The following M1AP variants were observed in gnomAD, a reference collection of about 807,000 sequenced individuals.
The protein encoded by M1AP is meiosis 1 arrest protein.
M1AP carries 39 observed loss-of-function variants against 51.2 expected under a neutral mutation model. The observed-to-expected ratio is 0.76, with a 90% confidence interval of 0.59 to 1.00. M1AP has a LOEUF of 1.00. M1AP is among the 50% of genes least tolerant of loss of function. The pLI is 0.00. For synonymous variants in M1AP, 251 were observed against 249.2 expected (o/e 1.01, Z -0.07); for missense variants, 545 against 641.2 (o/e 0.85, Z 1.62).
At chr2:74,625,432 T>C (rs1682326661) in intron 2 of M1AP, among the ~76,000 whole-genome samples, 1 of 152,162 alleles carries the variant, frequency 6.6e-6, no homozygotes, top group African/African-American at 2.4e-5. Flanking sequence ...ATTAATCTTT[T>C]ATTTTTAGAT....
chr2:74,561,899 C>T (rs544396035), intron 8 of M1AP: 2 of 985,242 alleles, frequency 2.0e-6, no homozygotes, highest in Non-Finnish European at 2.4e-6. Flanking sequence ...ATTTCAGGTC[C>T]GTGTGCATGT....
chr2:74,600,543 G>C (rs568603277), intron 4 of M1AP, among the ~76,000 whole-genome samples: 1 of 152,262 alleles, frequency 6.6e-6, no homozygotes, highest in South Asian at 2.1e-4. Flanking sequence ...AGGGTTGTAG[G>C]GTTGGCTTAT....
At chr2:74,635,361 ATTTTCT>A (rs1034771895) in intron 2 of M1AP, among the ~76,000 whole-genome samples, 24 of 151,890 alleles carry the variant, frequency 1.6e-4, no homozygotes, top group Non-Finnish European at 2.9e-4. Context: ...GGTAATCTGT[ATTTTCT>A]TTTTCTATTT....
At chr2:74,584,308 AC>A (rs1159807043) in intron 4 of M1AP, among the ~76,000 whole-genome samples, 1 of 152,052 alleles carries the variant, frequency 6.6e-6, no homozygotes, top group Non-Finnish European at 1.5e-5. Flanking sequence ...AGTGGCGGCT[AC>A]TAAAGCAATG....
At chr2:74,578,883 T>A (rs970407651) in intron 5 of M1AP, among the ~76,000 whole-genome samples, 1 of 152,202 alleles carries the variant, frequency 6.6e-6, no homozygotes, top group Non-Finnish European at 1.5e-5. Context: ...TGAGCCATAC[T>A]CCAGAAATCT....
At chr2:74,636,221 A>C (rs1365839368) in intron 2 of M1AP, among the ~76,000 whole-genome samples, 1 of 151,612 alleles carries the variant, frequency 6.6e-6, no homozygotes, top group Non-Finnish European at 1.5e-5. Flanking sequence ...CCCTCTCTGT[A>C]CCTGGTATTC....
intron 3 of M1AP, among the ~76,000 whole-genome samples, chr2:74,610,003 T>C (rs1449989493): frequency 6.7e-6 from 1 of 150,198 alleles, no homozygotes; most frequent in Non-Finnish European, 1.5e-5. Flanking sequence ...TACTTCACTC[T>C]ATTTTTTTTT....
intron 1 of M1AP, among the ~76,000 whole-genome samples, chr2:74,642,275 C>CAA (rs144241741): frequency 0.061 from 9,046 of 149,332 alleles, 799 homozygotes; most frequent in African/African-American, 0.2. Flanking sequence ...TAATAATATA[C>CAA]AAAAAAAAAC....
intron 3 of M1AP, 75 bp from the exon 4 acceptor site, chr2:74,607,298 G>A (rs1331532087): frequency 6.2e-6 from 9 of 1,444,890 alleles, no homozygotes; most frequent in Admixed American, 1.7e-5. Flanking sequence ...GTTCCTACCC[G>A]GAGGATAAAT....
intron 2 of M1AP, among the ~76,000 whole-genome samples, chr2:74,624,019 A>T (rs1221879942): frequency 2.6e-5 from 4 of 152,238 alleles, no homozygotes; most frequent in African/African-American, 9.6e-5. Flanking sequence ...ATCAGCAGGC[A>T]TAGTATTATC....
chr2:74,647,289 C>T, intron 1 of M1AP: 1 of 985,418 alleles, frequency 1.0e-6, no homozygotes, highest in Non-Finnish European at 1.2e-6. Context: ...CACAGATCGG[C>T]TTCTCGCTGT....
intron 3 of M1AP, among the ~76,000 whole-genome samples, chr2:74,610,021 A>T (rs1346964896): frequency 6.6e-6 from 1 of 151,438 alleles, no homozygotes; most frequent in Non-Finnish European, 1.5e-5. Context: ...TTTTTGAGAC[A>T]GGGTCTCACT....
At chr2:74,595,035 T>C (rs1680251046) in intron 4 of M1AP, among the ~76,000 whole-genome samples, 1 of 152,162 alleles carries the variant, frequency 6.6e-6, no homozygotes. Context: ...AATGATCCTT[T>C]ACATACAGGG....
At chr2:74,619,263 T>C (rs1166904844) in intron 2 of M1AP, 5 of 205,472 alleles carry the variant, frequency 2.4e-5, no homozygotes, top group Non-Finnish European at 5.0e-5. Context: ...CTTTTTGTAG[T>C]GGTCTAGAAA....
In M1AP at chr2:74,640,236, G is replaced by A. The variant is rs1683214638; in HGVS notation, c.40C>T (p.His14Tyr). 6.2e-7 allele frequency: 1 copy of A among 1,614,130 alleles called. No individual in the cohort carries two copies. The highest frequency in any genetic ancestry group is 1.3e-5 in the African/African-American group (1 of 75,028). ...GRTTGKGPST[H>Y]TQIDQQPPRL... ...GGAGGTTGCTGGTCAATCTGAGTGT[G>A]AGTAGAGGGCCCTTTACCAGTAGTT... is the stretch of plus-strand genomic sequence containing the variant. Residue 14 changes from histidine to tyrosine, a missense_variant, in exon 2 of 11, where the codon CAC becomes TAC. Physicochemically the swap from His to Tyr is moderately conservative, Grantham distance 83. Transcript: ENST00000421985.
chr2:74,624,748 A>G (rs1051962819), intron 2 of M1AP, among the ~76,000 whole-genome samples: 1 of 152,114 alleles, frequency 6.6e-6, no homozygotes, highest in African/African-American at 2.4e-5. Context: ...ACTTTTCTGT[A>G]TCTTGCTTTT....
chr2:74,606,971 G>T, intron 4 of M1AP, 84 bp downstream of exon 4: 2 of 1,126,692 alleles, frequency 1.8e-6, no homozygotes, highest in Non-Finnish European at 2.6e-6. Context: ...GTATACATGT[G>T]CCATGTTGGT....
chr2:74,615,131 C>T lies in M1AP; in HGVS notation c.259G>A (p.Ala87Thr), dbSNP rs1469561294. The change falls in exon 3 of 11, where the codon GCT becomes ACT. Residue 87 changes from alanine to threonine, a missense_variant. Ala to Thr is a moderately conservative substitution (Grantham distance 58). Transcript: ENST00000421985. ...LPFVQVKGNF[A>T]RLQTCISELR... ...TCTGAGATGCAGGTCTGCAACCTAG[C>T]AAAGTTCCCTTTCACTTGCTGCAGA... The T allele has an allele frequency of 7.4e-6, 12 of 1,614,148 alleles. No individual in the cohort carries two copies. Among genetic ancestry groups the T allele is most frequent in the Non-Finnish European group, 1.0e-5 (12 of 1,179,994 alleles).
intron 7 of M1AP, among the ~76,000 whole-genome samples, chr2:74,563,560 T>C (rs1678172139): frequency 1.3e-5 from 2 of 148,766 alleles, no homozygotes; most frequent in Admixed American, 6.7e-5. Context: ...GATTGCACCA[T>C]TGCACTACAG....
Sources: gnomAD v4.1 joint callset for allele counts (sites outside exome capture counted in the v4.1 genomes callset) on GRCh38, gnomAD v4.1.1 for gene constraint, MANE v1.5 for transcripts, NCBI Gene and HGNC (gene_info 2026-07-23, HGNC 2026-07-21) for gene names.